The following IQCM variants were observed in gnomAD, a reference collection of about 807,000 sequenced individuals.
IQCM encodes IQ domain-containing protein M.
In IQCM, 45 loss-of-function variants were observed where a neutral mutation model predicts 57.6. The observed-to-expected ratio is 0.78, with a 90% CI of 0.62 to 1.00. The LOEUF is 1.00. Among genes scored for constraint, IQCM ranks in the 50% least tolerant of loss-of-function variants. The pLI is 0.00. For synonymous variants in IQCM, 148 were observed against 158.9 expected (o/e 0.93, Z 0.51); for missense variants, 468 against 511.6 (o/e 0.91, Z 0.82).
At chr4:149,437,038 G>C (rs1263544932) in intron 12 of IQCM, among the ~76,000 whole-genome samples, 1 of 152,092 alleles carries the variant, frequency 6.6e-6, no homozygotes, top group Non-Finnish European at 1.5e-5. Context: ...AGCATAGGGA[G>C]GTTACAGGGC....
chr4:149,578,770 G>A (rs578003708), intron 9 of IQCM, among the ~76,000 whole-genome samples: 63 of 151,952 alleles, frequency 4.1e-4, no homozygotes, highest in Non-Finnish European at 8.1e-4. Flanking sequence ...TGCCAACCAC[G>A]TATATATCAG....
chr4:149,519,918 T>C (rs1560943983), intron 12 of IQCM, among the ~76,000 whole-genome samples: 1 of 150,796 alleles, frequency 6.6e-6, no homozygotes. Context: ...GGCAGGAGAA[T>C]GGCATGAACC....
intron 13 of IQCM, among the ~76,000 whole-genome samples, chr4:149,388,022 C>A (rs1731545314): frequency 6.6e-6 from 1 of 152,014 alleles, no homozygotes; most frequent in Non-Finnish European, 1.5e-5. Flanking sequence ...AATACTCCAT[C>A]ATTTTGATTG....
At chr4:149,797,810 T>C (rs1260789383) in intron 2 of IQCM, among the ~76,000 whole-genome samples, 1 of 152,000 alleles carries the variant, frequency 6.6e-6, no homozygotes, top group Non-Finnish European at 1.5e-5. Context: ...AAAAAACTTT[T>C]TCTCTAGAAT....
intron 2 of IQCM, chr4:149,793,543 T>C (rs1772833695): frequency 6.6e-6 from 1 of 152,198 alleles, no homozygotes; most frequent in Non-Finnish European, 1.5e-5. Context: ...AATATGCATG[T>C]TATGAATTTG....
At chr4:149,695,886 G>A (rs1245060854) in intron 5 of IQCM, among the ~76,000 whole-genome samples, 1 of 152,132 alleles carries the variant, frequency 6.6e-6, no homozygotes, top group Non-Finnish European at 1.5e-5. Context: ...ATTTACTGAG[G>A]GAAGCGGGCT....
chr4:149,636,825 C>T (rs1249810313), intron 7 of IQCM, among the ~76,000 whole-genome samples: 1 of 152,088 alleles, frequency 6.6e-6, no homozygotes, highest in Non-Finnish European at 1.5e-5. Flanking sequence ...CTGATAAATC[C>T]GAAAGAAAAC....
At chr4:149,440,917 A>G (rs1449226211) in intron 12 of IQCM, among the ~76,000 whole-genome samples, 1 of 152,124 alleles carries the variant, frequency 6.6e-6, no homozygotes, top group Non-Finnish European at 1.5e-5. Context: ...ATTATTTTAA[A>G]TTCTTTCCGA....
intron 2 of IQCM, among the ~76,000 whole-genome samples, chr4:149,743,728 T>C (rs1459129354): frequency 6.6e-6 from 1 of 152,164 alleles, no homozygotes; most frequent in East Asian, 1.9e-4. Flanking sequence ...ATTCTAGAGG[T>C]GCTCAACAAA....
intron 7 of IQCM, among the ~76,000 whole-genome samples, chr4:149,654,175 C>T (rs1310449691): frequency 6.6e-6 from 1 of 152,188 alleles, no homozygotes; most frequent in Non-Finnish European, 1.5e-5. Flanking sequence ...GCTCTATCTA[C>T]TACAAAGTTC....
chr4:149,600,541 T>C (rs1754181380), intron 8 of IQCM, among the ~76,000 whole-genome samples: 1 of 152,200 alleles, frequency 6.6e-6, no homozygotes, highest in Non-Finnish European at 1.5e-5. Flanking sequence ...AGCAATTTTG[T>C]CTTCTACATT....
chr4:149,370,719 G>A (rs1730310736), intron 13 of IQCM, among the ~76,000 whole-genome samples: 1 of 152,052 alleles, frequency 6.6e-6, no homozygotes, highest in African/African-American at 2.4e-5. Context: ...ACCTTTCCCT[G>A]TAGATAAGTT....
At chr4:149,392,212 G>T (rs1731909875) in intron 13 of IQCM, among the ~76,000 whole-genome samples, 1 of 150,844 alleles carries the variant, frequency 6.6e-6, no homozygotes, top group Non-Finnish European at 1.5e-5. Context: ...TTAACTATTA[G>T]CTTGTTTTAC....
At chr4:149,443,716 A>C (rs546233426) in intron 12 of IQCM, among the ~76,000 whole-genome samples, 92 of 150,432 alleles carry the variant, frequency 6.1e-4, no homozygotes, top group Non-Finnish European at 1.2e-3. Context: ...AAGGAAAGGA[A>C]AGGAAAGGAA....
intron 12 of IQCM, among the ~76,000 whole-genome samples, chr4:149,544,761 T>C (rs1490601543): frequency 6.6e-6 from 1 of 152,144 alleles, no homozygotes; most frequent in Non-Finnish European, 1.5e-5. Flanking sequence ...TGCAACTAAT[T>C]TGTGGCAAGG....
chr4:149,655,965 T>C (rs1759600325), intron 7 of IQCM, among the ~76,000 whole-genome samples: 1 of 152,112 alleles, frequency 6.6e-6, no homozygotes, highest in Non-Finnish European at 1.5e-5. Context: ...TAAATACACA[T>C]AAGACAGTAT....
intron 7 of IQCM, among the ~76,000 whole-genome samples, chr4:149,626,847 A>T (rs1463639736): frequency 6.6e-6 from 1 of 152,188 alleles, no homozygotes; most frequent in Non-Finnish European, 1.5e-5. Flanking sequence ...GAGGAAAGCA[A>T]TCAGTGACTT....
chr4:149,765,940 G>A, intron 2 of IQCM, among the ~76,000 whole-genome samples: 1 of 151,908 alleles, frequency 6.6e-6, no homozygotes. Flanking sequence ...CAAGATCCAT[G>A]GTTTCATCCC....
intron 12 of IQCM, among the ~76,000 whole-genome samples, chr4:149,510,528 C>T (rs1744296361): frequency 6.6e-6 from 1 of 152,130 alleles, no homozygotes; most frequent in Admixed American, 6.6e-5. Flanking sequence ...CTGAAATCCC[C>T]TCACCTGTTG....
Sources: gnomAD v4.1 joint callset for allele counts (sites outside exome capture counted in the v4.1 genomes callset) on GRCh38, gnomAD v4.1.1 for gene constraint, MANE v1.5 for transcripts, NCBI Gene and HGNC (gene_info 2026-07-23, HGNC 2026-07-21) for gene names.